CACNA2D3: variants seen among roughly 807,000 people sequenced by gnomAD.
CACNA2D3 encodes the protein voltage-dependent calcium channel subunit alpha-2/delta-3.
A neutral mutation model predicts 160.6 loss-of-function variants in CACNA2D3; 60 were observed. The ratio of observed to expected loss-of-function variants is 0.37; its 90% confidence interval spans 0.30 to 0.46. The LOEUF (loss-of-function observed/expected upper bound fraction) is 0.46. Among genes scored for constraint, CACNA2D3 ranks in the 20% least tolerant of loss-of-function variants. CACNA2D3 has a pLI of 1.00. For synonymous variants in CACNA2D3, 558 were observed against 492.9 expected (o/e 1.13, Z -1.75); for missense variants, 1,205 against 1,365.0 (o/e 0.88, Z 1.85).
rs1438393552 is a variant in CACNA2D3, at chr3:54,646,160, C to T, written c.1167+3919C>T. ...CTTCCTTCCTTCCTTCCCTCCCTCC[C>T]TCCCTCCCTCCCTCCCTCCCTCCCT... On this transcript the variant is annotated intron_variant, in intron 11 of 37. Coordinates refer to ENST00000474759, the MANE Select transcript of CACNA2D3 (RefSeq NM_018398.3). Among the ~76,000 whole-genome samples the T allele has an allele frequency of 2.5e-4, 5 of 20,400 alleles. 1 individual carries two copies. Among genetic ancestry groups the T allele is most frequent in the African/African-American group, 4.9e-4 (3 of 6,150 alleles). The allele number at this position is 20,400 out of a possible 152,430, so 13.4% of individuals were successfully genotyped here.
intron 13 of CACNA2D3, among the ~76,000 whole-genome samples, chr3:54,784,014 T>C (rs1702582759): frequency 6.6e-6 from 1 of 152,224 alleles, no homozygotes; most frequent in African/African-American, 2.4e-5. Flanking sequence ...TGAAATGTTA[T>C]TCATGATACA....
At chr3:54,976,197 G>A (rs1702388118) in intron 29 of CACNA2D3, among the ~76,000 whole-genome samples, 1 of 151,902 alleles carries the variant, frequency 6.6e-6, no homozygotes, top group Admixed American at 6.6e-5. Context: ...GTAAGGGTGG[G>A]GGTCAGCCAG....
intron 11 of CACNA2D3, among the ~76,000 whole-genome samples, chr3:54,652,235 C>G (rs539049355): frequency 6.6e-6 from 1 of 151,684 alleles, no homozygotes; most frequent in African/African-American, 2.4e-5. Context: ...TTGCTGGCAG[C>G]GGAAAAAAAG....
intron 34 of CACNA2D3, among the ~76,000 whole-genome samples, chr3:55,012,480 GT>G (rs1181058921): frequency 6.6e-6 from 1 of 152,062 alleles, no homozygotes; most frequent in Non-Finnish European, 1.5e-5. Context: ...GCCTTGACCT[GT>G]TTCCCTTCTT....
At chr3:55,009,333 T>G in intron 33 of CACNA2D3, 55 bp from the exon 34 acceptor site, 1 of 1,446,562 alleles carries the variant, frequency 6.9e-7, no homozygotes, top group Non-Finnish European at 9.7e-7. Flanking sequence ...GTCACTGTTC[T>G]GTGATATGGG....
At chr3:55,059,046 CT>C (rs1163891549) in intron 35 of CACNA2D3, among the ~76,000 whole-genome samples, 2 of 152,158 alleles carry the variant, frequency 1.3e-5, no homozygotes, top group African/African-American at 4.8e-5. Context: ...GATGTCCAAC[CT>C]TTTATAAAGT....
chr3:54,602,841 C>T (rs1177966341), intron 9 of CACNA2D3, among the ~76,000 whole-genome samples: 2 of 152,086 alleles, frequency 1.3e-5, no homozygotes, highest in African/African-American at 2.4e-5. Flanking sequence ...TTTGCAACGG[C>T]GTGAAAGTTT....
At chr3:55,015,145 A>G (rs115809868) in intron 34 of CACNA2D3, among the ~76,000 whole-genome samples, 9 of 152,348 alleles carry the variant, frequency 5.9e-5, no homozygotes, top group African/African-American at 2.2e-4. Context: ...TGCAATTATC[A>G]GGCTTATTCA....
intron 2 of CACNA2D3, among the ~76,000 whole-genome samples, chr3:54,279,954 G>A (rs1044166518): frequency 6.6e-6 from 1 of 152,198 alleles, no homozygotes; most frequent in East Asian, 1.9e-4. Context: ...TGTGTTTTCA[G>A]TGGTAGGGGC....
At chr3:54,240,723 A>AGTTTT (rs563071238) in intron 2 of CACNA2D3, among the ~76,000 whole-genome samples, 75 of 151,900 alleles carry the variant, frequency 4.9e-4, no homozygotes, top group African/African-American at 1.6e-3. Context: ...TAAAGTTTGG[A>AGTTTT]GTTTTGTTTT....
intron 27 of CACNA2D3, chr3:54,918,328 T>TTTTC: frequency 1.1e-5 from 4 of 351,948 alleles, no homozygotes; most frequent in Non-Finnish European, 1.3e-5. Flanking sequence ...CATCTTTTTT[T>TTTTC]TTTCTTTTTT....
intron 11 of CACNA2D3, among the ~76,000 whole-genome samples, chr3:54,736,026 T>TAC (rs1559563496): frequency 3.1e-4 from 15 of 49,056 alleles, no homozygotes; most frequent in African/African-American, 1.1e-3. Flanking sequence ...TACACATACA[T>TAC]ATATATATGT....
intron 35 of CACNA2D3, among the ~76,000 whole-genome samples, chr3:55,061,891 C>T (rs1390927610): frequency 6.6e-6 from 1 of 152,108 alleles, no homozygotes; most frequent in Non-Finnish European, 1.5e-5. Flanking sequence ...AGGGTGCAGT[C>T]CTTCCCAGAA....
At chr3:54,785,250 G>A (rs1398605355) in intron 13 of CACNA2D3, among the ~76,000 whole-genome samples, 1 of 152,172 alleles carries the variant, frequency 6.6e-6, no homozygotes, top group Admixed American at 6.5e-5. Context: ...AAAAGGGTCA[G>A]AAGATGTCCA....
At chr3:54,919,619 G>A (rs548460860) in intron 27 of CACNA2D3, among the ~76,000 whole-genome samples, 5 of 152,200 alleles carry the variant, frequency 3.3e-5, no homozygotes, top group South Asian at 2.1e-4. Flanking sequence ...TTGGGTGGTC[G>A]GTCATTCTTT....
intron 6 of CACNA2D3, among the ~76,000 whole-genome samples, chr3:54,568,959 C>T (rs1702451053): frequency 6.6e-6 from 1 of 152,324 alleles, no homozygotes; most frequent in Admixed American, 6.5e-5. Context: ...GGATTCTCTC[C>T]TGCGAAAACG....
chr3:54,252,411 T>C (rs1347711470), intron 2 of CACNA2D3, among the ~76,000 whole-genome samples: 1 of 152,134 alleles, frequency 6.6e-6, no homozygotes, highest in Non-Finnish European at 1.5e-5. Flanking sequence ...CCAAGGAAAA[T>C]AGGCTGGTGT....
At chr3:54,199,006 A>G (rs958167495) in intron 2 of CACNA2D3, among the ~76,000 whole-genome samples, 1 of 151,874 alleles carries the variant, frequency 6.6e-6, no homozygotes, top group Non-Finnish European at 1.5e-5. Flanking sequence ...TTCTTTTCTC[A>G]TCATTTCTTT....
chr3:54,870,563 G>A (rs1204805534), intron 17 of CACNA2D3, among the ~76,000 whole-genome samples: 1 of 152,176 alleles, frequency 6.6e-6, no homozygotes, highest in African/African-American at 2.4e-5. Flanking sequence ...CAACCAGCAT[G>A]AAAGGCCTCA....
Sources: gnomAD v4.1 joint callset for allele counts (sites outside exome capture counted in the v4.1 genomes callset) on GRCh38, gnomAD v4.1.1 for gene constraint, MANE v1.5 for transcripts, NCBI Gene and HGNC (gene_info 2026-07-23, HGNC 2026-07-21) for gene names.